The following PTPRT variants were observed in gnomAD, a reference collection of about 807,000 sequenced individuals.
PTPRT encodes the protein protein tyrosine phosphatase receptor type T.
In PTPRT, 56 loss-of-function variants were observed where a neutral mutation model predicts 176.8. The observed-to-expected ratio is 0.32, with a 90% CI of 0.26 to 0.40. PTPRT has a LOEUF of 0.40. PTPRT is among the 10% of genes least tolerant of loss of function. PTPRT has a pLI of 1.00. For missense variants in PTPRT, 1,540 were observed against 1,908.2 expected, an observed-to-expected ratio of 0.81 and a Z score of 3.60; for synonymous variants, 783 against 739.0, an observed-to-expected ratio of 1.06 and a Z score of -0.96.
intron 1 of PTPRT, among the ~76,000 whole-genome samples, chr20:43,057,932 C>G (rs1651866576): frequency 6.6e-6 from 1 of 152,164 alleles, no homozygotes; most frequent in Non-Finnish European, 1.5e-5. Context: ...CACTCAATGC[C>G]TAACCCAGTG....
chr20:42,215,625 C>T (rs935650357), intron 15 of PTPRT, among the ~76,000 whole-genome samples: 11 of 152,294 alleles, frequency 7.2e-5, no homozygotes, highest in African/African-American at 2.2e-4. Flanking sequence ...GCTCATACGA[C>T]CCGAAACCAA....
chr20:42,146,404 C>A (rs975867489), intron 17 of PTPRT, among the ~76,000 whole-genome samples: 2 of 152,144 alleles, frequency 1.3e-5, no homozygotes, highest in Non-Finnish European at 2.9e-5. Context: ...AAAATAATTG[C>A]GTTGAGTACT....
intron 1 of PTPRT, among the ~76,000 whole-genome samples, chr20:43,111,825 G>C (rs994971896): frequency 6.6e-6 from 1 of 152,190 alleles, no homozygotes; most frequent in African/African-American, 2.4e-5. Context: ...TATTCCTGGA[G>C]TGGGCAAGTC....
chr20:42,553,384 T>C (rs1396919940), intron 7 of PTPRT, among the ~76,000 whole-genome samples: 2 of 152,042 alleles, frequency 1.3e-5, no homozygotes, highest in Non-Finnish European at 2.9e-5. Context: ...TATCTCCCCC[T>C]TCCACTCACA....
intron 19 of PTPRT, among the ~76,000 whole-genome samples, chr20:42,121,350 C>T (rs1036665535): frequency 6.6e-6 from 1 of 152,178 alleles, no homozygotes; most frequent in African/African-American, 2.4e-5. Flanking sequence ...CTTGAGGACT[C>T]CTATGTACTT....
chr20:42,749,754 C>T (rs924454548), intron 6 of PTPRT, among the ~76,000 whole-genome samples: 2 of 152,164 alleles, frequency 1.3e-5, no homozygotes, highest in African/African-American at 4.8e-5. Context: ...CACAGTTGGG[C>T]TCCATAAACC....
At chr20:42,915,347 G>C (rs1978666098) in intron 1 of PTPRT, among the ~76,000 whole-genome samples, 2 of 152,354 alleles carry the variant, frequency 1.3e-5, no homozygotes, top group South Asian at 4.1e-4. Flanking sequence ...GGTAAGGCCT[G>C]TGGGTCCCTC....
At chr20:43,035,188 C>A (rs1986324991) in intron 1 of PTPRT, among the ~76,000 whole-genome samples, 1 of 152,124 alleles carries the variant, frequency 6.6e-6, no homozygotes, top group South Asian at 2.1e-4. Context: ...CCAAAGGAGG[C>A]TGGCCCAGCA....
chr20:42,213,238 C>T (rs570380171), intron 15 of PTPRT, among the ~76,000 whole-genome samples: 3 of 75,856 alleles, frequency 4.0e-5, no homozygotes, highest in Middle Eastern at 7.7e-3. Context: ...TGAGAACCAC[C>T]GAAGTAGGTG....
intron 6 of PTPRT, among the ~76,000 whole-genome samples, chr20:42,717,550 T>C (rs1416959072): frequency 1.3e-5 from 2 of 152,098 alleles, no homozygotes; most frequent in East Asian, 3.8e-4. Context: ...ATTTGAAATG[T>C]AGAGTAATAG....
intron 27 of PTPRT, among the ~76,000 whole-genome samples, chr20:42,089,520 A>C (rs1984385635): frequency 6.6e-6 from 1 of 152,164 alleles, no homozygotes; most frequent in Non-Finnish European, 1.5e-5. Flanking sequence ...TCTCAAGCTG[A>C]TAGATTCTAC....
At chr20:42,226,920 C>T (rs1184545447) in intron 15 of PTPRT, among the ~76,000 whole-genome samples, 3 of 152,102 alleles carry the variant, frequency 2.0e-5, no homozygotes, top group Non-Finnish European at 2.9e-5. Flanking sequence ...AATGAATGAT[C>T]GCCCAAGGAA....
At chr20:42,867,909 T>C (rs2078777134) in intron 2 of PTPRT, among the ~76,000 whole-genome samples, 1 of 152,126 alleles carries the variant, frequency 6.6e-6, no homozygotes, top group Non-Finnish European at 1.5e-5. Context: ...CTCAAACTCC[T>C]GACCTCAGGT....
intron 15 of PTPRT, among the ~76,000 whole-genome samples, chr20:42,204,012 C>T (rs1028047906): frequency 2.6e-5 from 4 of 152,164 alleles, no homozygotes; most frequent in Non-Finnish European, 4.4e-5. Context: ...AAACTTGTTG[C>T]ACGAATTTAT....
At chr20:42,938,043 T>C (rs933310703) in intron 1 of PTPRT, among the ~76,000 whole-genome samples, 1 of 152,180 alleles carries the variant, frequency 6.6e-6, no homozygotes, top group East Asian at 1.9e-4. Flanking sequence ...TCATCAATGA[T>C]TTATCAAAGA....
At chr20:42,814,366 C>T (rs4810372) in intron 2 of PTPRT, among the ~76,000 whole-genome samples, 21,600 of 152,114 alleles carry the variant, frequency 0.14, 1,779 homozygotes, top group East Asian at 0.34. Flanking sequence ...CTGAGTCACA[C>T]TTTCCATAAG....
At position 43,151,045 on chromosome 20, in the gene PTPRT, G is replaced by A. The variant is rs555549357; in HGVS notation, c.88+38601C>T. 2.9e-3 allele frequency among the ~76,000 whole-genome samples: 435 copies of A among 151,878 alleles called. 4 individuals carry two copies. Among genetic ancestry groups the A allele is most frequent in the Middle Eastern group, 0.014 (4 of 292 alleles). The stretch of plus-strand genomic sequence containing the variant: ...AGACTGGTCGGGTGTGGTGGCTCAC[G>A]CCTGTAATCCCAGCACTTTGGGAGG... On this transcript the variant is annotated intron_variant, in intron 1 of 30. Coordinates refer to ENST00000373187, the MANE Select transcript of PTPRT (RefSeq NM_007050.6).
chr20:42,860,900 T>A (rs1459666473), intron 2 of PTPRT, among the ~76,000 whole-genome samples: 2 of 152,228 alleles, frequency 1.3e-5, no homozygotes, highest in Non-Finnish European at 2.9e-5. Context: ...TGAGCATCCT[T>A]ATATTTTTAG....
intron 7 of PTPRT, among the ~76,000 whole-genome samples, chr20:42,602,598 T>C (rs2073801274): frequency 6.6e-6 from 1 of 152,104 alleles, no homozygotes; most frequent in Admixed American, 6.6e-5. Context: ...CAGGTCACAT[T>C]ATTAGGAATG....
Sources: gnomAD v4.1 joint callset for allele counts (sites outside exome capture counted in the v4.1 genomes callset) on GRCh38, gnomAD v4.1.1 for gene constraint, MANE v1.5 for transcripts, NCBI Gene and HGNC (gene_info 2026-07-23, HGNC 2026-07-21) for gene names.